Variants in TECPR2 observed in about 807,000 individuals in gnomAD.
TECPR2 encodes the protein tectonin beta-propeller repeat containing 2, also known as tectonin beta-propeller repeat-containing protein 2.
In TECPR2, 65 loss-of-function variants were observed where a neutral mutation model predicts 138.1. The observed-to-expected ratio is 0.47, with a 90% CI of 0.39 to 0.58. The LOEUF is 0.58. Among genes scored for constraint, TECPR2 ranks in the 20% least tolerant of loss-of-function variants. The pLI, the probability that TECPR2 is intolerant of heterozygous loss-of-function variation, is 0.00. For synonymous variants in TECPR2, 746 were observed against 749.8 expected (o/e 0.99, Z 0.08); for missense variants, 1,553 against 1,824.5 (o/e 0.85, Z 2.71).
chr14:102,454,926 C>T (rs751700462), intron 16 of TECPR2, among the ~76,000 whole-genome samples: 1 of 152,186 alleles, frequency 6.6e-6, no homozygotes, highest in East Asian at 1.9e-4. Flanking sequence ...TGGAGCCAGC[C>T]CTGCCTGGGC....
intron 1 of TECPR2, among the ~76,000 whole-genome samples, chr14:102,375,701 T>C (rs1393455193): frequency 6.6e-6 from 1 of 152,134 alleles, no homozygotes; most frequent in Non-Finnish European, 1.5e-5. Context: ...AAAATATCCC[T>C]CCAGGTGTAA....
intron 7 of TECPR2, among the ~76,000 whole-genome samples, chr14:102,431,518 A>G (rs545924903): frequency 1.1e-4 from 16 of 151,836 alleles, no homozygotes; most frequent in Middle Eastern, 3.4e-3. Flanking sequence ...AATTTTTTGT[A>G]TTTTTAGTAG....
chr14:102,376,678 A>G lies in TECPR2; in HGVS notation c.-44A>G. 2 of 1,579,212 alleles carry G rather than the reference A, an allele frequency of 1.3e-6. No individual in the cohort carries two copies. The highest frequency in any genetic ancestry group is 2.2e-5 in the South Asian group (2 of 89,828). On this transcript the variant is annotated 5_prime_UTR_variant, in exon 2 of 20. Transcript: ENST00000359520. ...CCAGGTTTCCCTAGATGACAAATAA[A>G]CATTCCTTTTCCTGCGTGAAGATAG... is the stretch of plus-strand genomic sequence containing the variant.
intron 16 of TECPR2, among the ~76,000 whole-genome samples, chr14:102,460,697 ATTTT>A (rs552167034): frequency 1.4e-5 from 2 of 140,220 alleles, no homozygotes; most frequent in East Asian, 4.3e-4. Context: ...TCTACCTTTA[ATTTT>A]TTTTTTTTTT....
chr14:102,474,970 A>G (rs1164773618), intron 17 of TECPR2, among the ~76,000 whole-genome samples: 2 of 152,186 alleles, frequency 1.3e-5, no homozygotes, highest in Non-Finnish European at 2.9e-5. Context: ...CAGGGTAGTC[A>G]GTGGTTGTGC....
chr14:102,421,065 G>T (rs909121607), intron 5 of TECPR2, among the ~76,000 whole-genome samples: 6 of 152,208 alleles, frequency 3.9e-5, no homozygotes, highest in Admixed American at 3.3e-4. Context: ...CAGAATGTAG[G>T]AATCACTAAA....
chr14:102,377,025 A>C, intron 2 of TECPR2, 85 bp downstream of exon 2: 3 of 1,417,462 alleles, frequency 2.1e-6, no homozygotes, highest in African/African-American at 1.4e-5. Context: ...GAGATAATTT[A>C]CTTCTGATTT....
At chr14:102,448,212 G>T (rs1049117767) in intron 13 of TECPR2, among the ~76,000 whole-genome samples, 1 of 149,858 alleles carries the variant, frequency 6.7e-6, no homozygotes, top group Non-Finnish European at 1.5e-5. Context: ...CACCTGCCTT[G>T]GCCTCCCAAA....
chr14:102,441,685 C>T (rs917705553), intron 11 of TECPR2, among the ~76,000 whole-genome samples: 2 of 151,946 alleles, frequency 1.3e-5, no homozygotes, highest in African/African-American at 2.4e-5. Flanking sequence ...GGCGAGACTC[C>T]GTCTCAAAAC....
chr14:102,430,600 G>T (rs1324820598), intron 7 of TECPR2, among the ~76,000 whole-genome samples: 1 of 152,226 alleles, frequency 6.6e-6, no homozygotes, highest in Non-Finnish European at 1.5e-5. Context: ...ATCAAAGTGG[G>T]CTGTGGTCTT....
At chr14:102,366,988 A>G (rs1887361537) in intron 1 of TECPR2, among the ~76,000 whole-genome samples, 1 of 152,134 alleles carries the variant, frequency 6.6e-6, no homozygotes, top group Non-Finnish European at 1.5e-5. Flanking sequence ...AGATAAATGG[A>G]GTGAGATCAT....
At chr14:102,438,305 GCAGCTCTGGGCT>G (rs1451591492) in intron 10 of TECPR2, 100 bp downstream of exon 10, 189 of 1,385,260 alleles carry the variant, frequency 1.4e-4, no homozygotes, top group Non-Finnish European at 1.8e-4. Context: ...CTCCCCTGCA[GCAGCTCTGGGCT>G]CACGCTGCCG....
chr14:102,370,541 G>C (rs1168928056), intron 1 of TECPR2, among the ~76,000 whole-genome samples: 1 of 152,220 alleles, frequency 6.6e-6, no homozygotes, highest in East Asian at 1.9e-4. Context: ...GGCCAGGCCT[G>C]TTGTAATTAG....
chr14:102,498,381 C>G lies in TECPR2; in HGVS notation c.*124C>G. The G allele has an allele frequency of 1.1e-5, 13 of 1,193,350 alleles. No individual in the cohort carries two copies. In the South Asian group the frequency reaches 2.0e-4, roughly 19 times the overall value. 73.9% of individuals were successfully genotyped at this position (1,193,350 alleles called of 1,614,324 possible). A position where few individuals can be genotyped will look rare whatever the true frequency, so the allele number is the denominator to read the frequency against. On this transcript the variant is annotated 3_prime_UTR_variant, in exon 20 of 20. Transcript: ENST00000359520. Reference sequence around the variant, plus strand: ...CCAGACACCTCTGGCCAGGTTGGACCCGCACACTTACTTTCATCTATGTTG... The same window carrying G: ...CCAGACACCTCTGGCCAGGTTGGACGCGCACACTTACTTTCATCTATGTTG...
chr14:102,397,695 C>T (rs1006579202), intron 2 of TECPR2, among the ~76,000 whole-genome samples: 1 of 151,958 alleles, frequency 6.6e-6, no homozygotes, highest in Non-Finnish European at 1.5e-5. Context: ...TGCAGTGAGC[C>T]GAGATTGTGC....
At chr14:102,445,664 C>T (rs1427736517) in intron 12 of TECPR2, 142 bp from the exon 13 acceptor site, 3 of 1,060,522 alleles carry the variant, frequency 2.8e-6, no homozygotes, top group Non-Finnish European at 4.0e-6. Flanking sequence ...AAACTTCCTT[C>T]CCTGGCACCT....
At chr14:102,456,833 C>T (rs919923764) in intron 16 of TECPR2, among the ~76,000 whole-genome samples, 9 of 152,088 alleles carry the variant, frequency 5.9e-5, no homozygotes, top group African/African-American at 2.2e-4. Flanking sequence ...TCGTGATCTG[C>T]TCGCCTCAGC....
Position 102,499,519 on chromosome 14 carries a change from G to T in TECPR2, c.*1262G>T, listed in dbSNP as rs749489220. The T allele has an allele frequency of 3.0e-5, 13 of 438,200 alleles. No individual in the cohort carries two copies. The highest frequency in any genetic ancestry group is 5.4e-5 in the Non-Finnish European group (13 of 239,968). 27.1% of individuals were successfully genotyped at this position (438,200 alleles called of 1,614,324 possible). A position where few individuals can be genotyped will look rare whatever the true frequency, so the allele number is the denominator to read the frequency against. On this transcript the variant is annotated 3_prime_UTR_variant, in exon 20 of 20. Coordinates refer to ENST00000359520, the MANE Select transcript of TECPR2 (RefSeq NM_014844.5). Reference sequence around the variant, plus strand: ...GACTTGACTGGCAGGGCGGTCACGGGACCTGCGGGCTGGCTCCGAGTGGCA... The same window carrying T: ...GACTTGACTGGCAGGGCGGTCACGGTACCTGCGGGCTGGCTCCGAGTGGCA...
At chr14:102,365,191 T>G (rs1207959499) in intron 1 of TECPR2, among the ~76,000 whole-genome samples, 1 of 152,226 alleles carries the variant, frequency 6.6e-6, no homozygotes, top group Non-Finnish European at 1.5e-5. Context: ...TTATTGGTCT[T>G]TTAAAGCACC....
Sources: allele counts gnomAD v4.1 joint callset (sites outside exome capture counted in the v4.1 genomes callset), GRCh38; gene constraint gnomAD v4.1.1; transcripts MANE v1.5; gene names NCBI Gene and HGNC (gene_info 2026-07-23, HGNC 2026-07-21).